The following ZBTB34 variants were observed in gnomAD, a reference collection of about 807,000 sequenced individuals.
ZBTB34 encodes zinc finger and BTB domain-containing protein 34.
A neutral mutation model predicts 33.4 loss-of-function variants in ZBTB34; 1 was observed. The observed-to-expected ratio is 0.03, with a 90% CI of 0.01 to 0.14. The LOEUF is 0.14. Ranked by LOEUF, ZBTB34 falls within the 10% of genes least tolerant of loss-of-function variation. The pLI is 1.00. For missense variants in ZBTB34, 406 were observed against 657.2 expected (o/e 0.62, Z 4.18); for synonymous variants, 283 against 253.5 (o/e 1.12, Z -1.11).
chr9:126,868,955 A>G (rs1294500918), intron 1 of ZBTB34, among the ~76,000 whole-genome samples: 5 of 152,142 alleles, frequency 3.3e-5, no homozygotes, highest in Admixed American at 3.3e-4. Context: ...AGGGCATGAT[A>G]CACGGTGGCC....
rs570503938 is a variant in ZBTB34, at chr9:126,873,770, A to T, written c.-10-5620A>T. Among the ~76,000 whole-genome samples the T allele has an allele frequency of 2.7e-5, 4 of 150,900 alleles. No homozygotes were observed. The South Asian group carries it at 6.3e-4, about 24-fold the overall frequency. ...CAGGCTCCCGCCACCACGCCCAGCT[A>T]ATTTTTGTATTTTTAGTAGAGACAG... On this transcript the variant is annotated intron_variant, in intron 1 of 1. Transcript: ENST00000319119.
At chr9:126,884,611 T>G (rs769974699) in exon 2 of ZBTB34, 1 of 167,064 alleles carries the variant, frequency 6.0e-6, no homozygotes, top group Non-Finnish European at 1.5e-5. Context: ...TGATAGCAAA[T>G]ATAACCAACT....
rs2033404395 is a variant in ZBTB34, at chr9:126,879,433, C to G, written c.34C>G (p.Gln12Glu). The G allele has an allele frequency of 6.2e-7, 1 of 1,613,008 alleles. No individual in the cohort carries two copies. Among genetic ancestry groups the G allele is most frequent in the African/African-American group, 1.3e-5 (1 of 74,890 alleles). ...AGAAATGGACAGCAGCAGTTTTATT[C>G]AGTTTGATGTGCCCGAGTACAGCAG... The change falls in exon 2 of 2, where the codon CAG becomes GAG. Residue 12 changes from glutamine to glutamate, a missense_variant. By Grantham distance (29) the Gln-to-Glu change is conservative. Around this residue, in one of 6 missense-constraint regions of ZBTB34, gnomAD observed 50 missense variants for 157.9 expected, o/e 0.32. Transcript: ENST00000319119. This position sits in a 1 kb window ranked among gnomAD's most constrained non-coding sequence, Gnocchi z 6.4.
intron 1 of ZBTB34, among the ~76,000 whole-genome samples, chr9:126,863,497 T>C (rs2033166333): frequency 1.3e-5 from 2 of 152,230 alleles, no homozygotes; most frequent in South Asian, 2.1e-4. Flanking sequence ...TGAATCTAGT[T>C]ACGTTTTATT....
intron 1 of ZBTB34, among the ~76,000 whole-genome samples, chr9:126,866,331 G>A (rs1376505044): frequency 6.6e-6 from 1 of 152,092 alleles, no homozygotes; most frequent in Admixed American, 6.5e-5. Context: ...GTCTCCAGGT[G>A]CTGCCGCCAG....
intron 1 of ZBTB34, among the ~76,000 whole-genome samples, chr9:126,875,499 C>T (rs1025816646): frequency 2.0e-5 from 3 of 152,112 alleles, no homozygotes; most frequent in African/African-American, 4.8e-5. Flanking sequence ...TTCATTTATA[C>T]AGGCTTTTGT....
chr9:126,873,539 C>G (rs185084795), intron 1 of ZBTB34, among the ~76,000 whole-genome samples: 1 of 152,280 alleles, frequency 6.6e-6, no homozygotes, highest in East Asian at 1.9e-4. Flanking sequence ...GCTGGGATTA[C>G]AGGCATGAAC....
intron 1 of ZBTB34, chr9:126,863,765 A>T: frequency 1.0e-6 from 1 of 963,606 alleles, no homozygotes. Context: ...TGTATTTTCC[A>T]GGGCCAGTGC....
chr9:126,882,206 CTCTGTGTGTCACCAAA>C (rs914606136), exon 2 of ZBTB34: 6 of 166,994 alleles, frequency 3.6e-5, no homozygotes, highest in African/African-American at 1.4e-4. Context: ...CTCTAAGATA[CTCTGTGTGTCACCAAA>C]TCTGTGTGTC....
intron 1 of ZBTB34, among the ~76,000 whole-genome samples, chr9:126,866,952 GTA>G (rs1050634727): frequency 2.6e-5 from 4 of 151,934 alleles, no homozygotes; most frequent in African/African-American, 9.7e-5. Flanking sequence ...TTTACAAAAC[GTA>G]CATGAAGGGA....
At chr9:126,878,516 C>T (rs1290110611) in intron 1 of ZBTB34, among the ~76,000 whole-genome samples, 1 of 151,360 alleles carries the variant, frequency 6.6e-6, no homozygotes, top group Non-Finnish European at 1.5e-5. Context: ...GGAGACTGAG[C>T]ATGGTAAGTC....
intron 1 of ZBTB34, among the ~76,000 whole-genome samples, chr9:126,868,921 G>A (rs2033242873): frequency 6.6e-6 from 1 of 152,142 alleles, no homozygotes; most frequent in Admixed American, 6.5e-5. Flanking sequence ...GAGGAGGAAA[G>A]GGGGATCAAA....
At position 126,871,356 on chromosome 9, in the gene ZBTB34, G is replaced by T. The variant is rs1391625980; in HGVS notation, c.-10-8034G>T. Among the ~76,000 whole-genome samples the T allele has an allele frequency of 2.0e-5, 3 of 150,110 alleles. No homozygotes were observed. In the East Asian group the frequency reaches 6.1e-4, roughly 31 times the overall value. ...CAGCGTGTATGTGCTGCTATGGAAA[G>T]ATTTTTTTTCTTTTTTTTTTTTTTT... On this transcript the variant is annotated intron_variant, in intron 1 of 1. Transcript: ENST00000319119.
chr9:126,873,333 A>G (rs1005638128), intron 1 of ZBTB34, among the ~76,000 whole-genome samples: 1 of 151,920 alleles, frequency 6.6e-6, no homozygotes, highest in African/African-American at 2.4e-5. Flanking sequence ...GCACAATCTC[A>G]GCTCATTGTA....
chr9:126,871,366 CTT>C (rs575246185), intron 1 of ZBTB34, among the ~76,000 whole-genome samples: 20 of 137,026 alleles, frequency 1.5e-4, no homozygotes, highest in Non-Finnish European at 9.5e-5. Flanking sequence ...GATTTTTTTT[CTT>C]TTTTTTTTTT....
At chr9:126,883,630 C>T (rs1488945265) in exon 2 of ZBTB34, 1 of 167,124 alleles carries the variant, frequency 6.0e-6, no homozygotes, top group Non-Finnish European at 1.5e-5. Context: ...CATGATTCCA[C>T]ATTTTGCAAG....
chr9:126,861,757 A>G (rs998832991), intron 1 of ZBTB34, among the ~76,000 whole-genome samples: 5 of 151,972 alleles, frequency 3.3e-5, no homozygotes, highest in African/African-American at 9.7e-5. Flanking sequence ...TTTGTTGTTT[A>G]TATTTGCCCA....
chr9:126,879,894 G>T lies in ZBTB34; in HGVS notation c.495G>T (p.Val165=). ...ACAGCAGCTTCTTTGCCAACCCAGT[G>T]GAGATCTCTCCTCCATATTGCTCTC... The change falls in exon 2 of 2, where the codon GTG becomes GTT. Residue 165 remains valine, a synonymous_variant. Coordinates refer to ENST00000319119, the Ensembl canonical transcript of ZBTB34. This position sits in a 1 kb window ranked among gnomAD's most constrained non-coding sequence, Gnocchi z 6.4. The T allele has an allele frequency of 6.2e-7, 1 of 1,613,004 alleles. No individual in the cohort carries two copies.
rs772409622 is a variant in ZBTB34, at chr9:126,879,866, A to C, written c.467A>C (p.Lys156Thr). The stretch of plus-strand genomic sequence containing the variant: ...AATCCCGAGAGTCGAAACGGAGTGA[A>C]AGACAGCAGCTTCTTTGCCAACCCA... The change falls in exon 2 of 2, where the codon AAA becomes ACA. Residue 156 changes from lysine (K) to threonine (T), a missense_variant. Transcript: ENST00000319119. This position sits in a 1 kb window ranked among gnomAD's most constrained non-coding sequence, Gnocchi z 6.4. 1.2e-6 allele frequency: 2 copies of C among 1,612,930 alleles called. No individual in the cohort carries two copies. Among genetic ancestry groups the C allele is most frequent in the African/African-American group, 2.7e-5 (2 of 74,882 alleles).
Sources: gnomAD v4.1 joint callset for allele counts (sites outside exome capture counted in the v4.1 genomes callset) on GRCh38, gnomAD v4.1.1 for gene constraint, gnomAD v4.1.1 regional missense constraint, Gnocchi (gnomAD v3.1) non-coding constraint, MANE v1.5 for transcripts, NCBI Gene and HGNC (gene_info 2026-07-23, HGNC 2026-07-21) for gene names.